Variants in NCAPD3 observed in about 807,000 individuals in gnomAD.
NCAPD3 encodes the protein condensin-2 complex subunit D3.
In NCAPD3, 105 loss-of-function variants were observed where a neutral mutation model predicts 182.9. That is an observed-to-expected ratio of 0.57 (90% CI 0.49 to 0.68). NCAPD3 has a LOEUF of 0.68. Ranked by LOEUF, NCAPD3 falls within the 30% of genes least tolerant of loss-of-function variation. The pLI, the probability that NCAPD3 is intolerant of heterozygous loss-of-function variation, is 0.00. For missense variants in NCAPD3, 1,944 were observed against 1,837.0 expected (o/e 1.06, Z -1.07); for synonymous variants, 815 against 679.9 (o/e 1.20, Z -3.09).
intron 31 of NCAPD3, 121 bp from the exon 32 acceptor site, chr11:134,157,216 T>C (rs1003779756): frequency 1.4e-6 from 1 of 695,354 alleles, no homozygotes; most frequent in African/African-American, 1.8e-5. Context: ...TTTACAATTT[T>C]CTTATAAAGA....
At chr11:134,169,664 C>G (rs79714405) in intron 24 of NCAPD3, among the ~76,000 whole-genome samples, 3,737 of 152,304 alleles carry the variant, frequency 0.025, 68 homozygotes, top group Non-Finnish European at 0.037. Flanking sequence ...CATATCTGTG[C>G]AATGCTGCAC....
intron 13 of NCAPD3, among the ~76,000 whole-genome samples, chr11:134,201,721 A>G (rs1006598834): frequency 5.3e-5 from 8 of 152,260 alleles, no homozygotes; most frequent in Admixed American, 1.3e-4. Context: ...ATTGCTTGAA[A>G]AAGTCTGTGC....
intron 24 of NCAPD3, among the ~76,000 whole-genome samples, chr11:134,169,464 A>C (rs1943954193): frequency 6.6e-6 from 1 of 152,210 alleles, no homozygotes; most frequent in Non-Finnish European, 1.5e-5. Context: ...TCCCAACTTC[A>C]AGTTTGTTGC....
At chr11:134,203,385 C>G (rs1487185372) in intron 11 of NCAPD3, among the ~76,000 whole-genome samples, 187 bp from the exon 12 acceptor site, 2 of 152,308 alleles carry the variant, frequency 1.3e-5, no homozygotes, top group East Asian at 3.9e-4. Flanking sequence ...ACGACCAATG[C>G]CCACCAATGC....
Position 134,161,785 on chromosome 11 carries a change from A to G in NCAPD3, c.3680T>C (p.Leu1227Pro). Residue 1227 changes from leucine to proline, a missense_variant, in exon 28 of 35, where the codon CTC (leucine) becomes CCC (proline). Physicochemically the swap from Leu to Pro is moderately conservative, Grantham distance 98. Coordinates refer to ENST00000534548, the MANE Select transcript of NCAPD3 (RefSeq NM_015261.3). Reference sequence around the variant, plus strand: ...AAGCACAGGCTCCACCCTTACCCTGAGATAGTGCATGAGTTCCCGCAAAGC... The same window carrying G: ...AAGCACAGGCTCCACCCTTACCCTGGGATAGTGCATGAGTTCCCGCAAAGC... ...IPALRELMHYLREVMQDYRDE... is the reference protein window; with the variant it reads ...IPALRELMHYPREVMQDYRDE... 9 of 1,546,752 alleles carry G rather than the reference A, an allele frequency of 5.8e-6. No homozygotes were observed. Among genetic ancestry groups the G allele is most frequent in the Non-Finnish European group, 7.1e-6 (8 of 1,122,654 alleles).
At chr11:134,198,349 G>C (rs1260642542) in intron 13 of NCAPD3, among the ~76,000 whole-genome samples, 1 of 151,092 alleles carries the variant, frequency 6.6e-6, no homozygotes, top group African/African-American at 2.4e-5. Context: ...TTTTCAACAA[G>C]AAAAATTTAA....
intron 31 of NCAPD3, 139 bp downstream of exon 31, chr11:134,157,789 C>T: frequency 1.0e-6 from 1 of 966,364 alleles, no homozygotes. Context: ...TTTTACTACC[C>T]ATGATCCTAA....
In NCAPD3 at chr11:134,189,293, T is replaced by C. The variant is rs75571509; in HGVS notation, c.2045+3396A>G. Among the ~76,000 whole-genome samples, 1,070 of 152,306 alleles carry C rather than the reference T, an allele frequency of 7.0e-3. 5 individuals carry two copies. Among genetic ancestry groups the C allele is most frequent in the Non-Finnish European group, 0.012 (804 of 68,016 alleles). ...TTTGAAGACTGTTTTTCTTTCCCAGTTTTTAAATTTCTAAATTTTAGCATT... is the reference window on the plus strand; with the variant it reads ...TTTGAAGACTGTTTTTCTTTCCCAGCTTTTAAATTTCTAAATTTTAGCATT... On this transcript the variant is annotated intron_variant, in intron 16 of 34. Coordinates refer to ENST00000534548, the MANE Select transcript of NCAPD3 (RefSeq NM_015261.3).
At chr11:134,161,612 G>T (rs1473353531) in intron 28 of NCAPD3, among the ~76,000 whole-genome samples, 169 bp downstream of exon 28, 2 of 152,214 alleles carry the variant, frequency 1.3e-5, no homozygotes, top group Non-Finnish European at 2.9e-5. Context: ...GGCTTTGGTG[G>T]AACCCACAGC....
chr11:134,211,859 C>T (rs565437351), intron 3 of NCAPD3, among the ~76,000 whole-genome samples: 7 of 152,088 alleles, frequency 4.6e-5, no homozygotes, highest in Non-Finnish European at 1.0e-4. Flanking sequence ...GACTCAGTGA[C>T]CCATGGGAGA....
At chr11:134,165,230 G>A (rs912455565) in intron 27 of NCAPD3, among the ~76,000 whole-genome samples, 6 of 150,302 alleles carry the variant, frequency 4.0e-5, no homozygotes, top group Non-Finnish European at 5.9e-5. Context: ...TGAGCTTAGG[G>A]GAGCAGCACG....
In NCAPD3 at chr11:134,180,970, GCTC is replaced by G. The variant is rs1332579831; in HGVS notation, c.2559+104_2559+106del. 6 of 743,202 alleles carry G rather than the reference GCTC, an allele frequency of 8.1e-6. No homozygotes were observed. In the Admixed American group the frequency reaches 1.5e-4, roughly 18 times the overall value. 46.0% of individuals were successfully genotyped at this position (743,202 alleles called of 1,614,324 possible). A position where few individuals can be genotyped will look rare whatever the true frequency, so the allele number is the denominator to read the frequency against. On this transcript the variant is annotated intron_variant, in intron 20 of 34. Coordinates refer to ENST00000534548, the MANE Select transcript of NCAPD3 (RefSeq NM_015261.3). ...AGAAAGTAAGCTCTAGGCTAAGACA[GCTC>G]TTTTGTTAAAAGCATTTAAAGCGTA...
At chr11:134,222,417 C>T (rs1938265840) in intron 1 of NCAPD3, among the ~76,000 whole-genome samples, 1 of 152,154 alleles carries the variant, frequency 6.6e-6, no homozygotes, top group Non-Finnish European at 1.5e-5. Context: ...AAAAAGCAGC[C>T]TATGATAGAA....
chr11:134,156,344 G>A (rs967239468), intron 32 of NCAPD3, among the ~76,000 whole-genome samples: 1 of 152,208 alleles, frequency 6.6e-6, no homozygotes, highest in African/African-American at 2.4e-5. Context: ...ACAGGGACAC[G>A]GCGGCAGGGC....
chr11:134,218,647 T>C (rs1481154402), intron 2 of NCAPD3, among the ~76,000 whole-genome samples: 2 of 152,208 alleles, frequency 1.3e-5, no homozygotes, highest in African/African-American at 2.4e-5. Flanking sequence ...TAATTCCCTA[T>C]GCCCAGTCAG....
chr11:134,162,277 T>A (rs762038642), intron 27 of NCAPD3, among the ~76,000 whole-genome samples: 25 of 152,206 alleles, frequency 1.6e-4, no homozygotes, highest in Non-Finnish European at 2.8e-4. Context: ...GTCAGCTCGT[T>A]CTGGCTACCC....
chr11:134,180,021 G>C lies in NCAPD3; in HGVS notation c.2559+1056C>G, dbSNP rs192546759. 6.6e-5 allele frequency among the ~76,000 whole-genome samples: 10 copies of C among 151,338 alleles called. No individual in the cohort carries two copies. The East Asian group carries it at 1.8e-3, about 27-fold the overall frequency. On this transcript the variant is annotated intron_variant, in intron 20 of 34. Transcript: ENST00000534548. ...GATTTTGATGACACGGTTAACAGTT[G>C]AAAAAAACCTGGGGGAGGAGGGGTG...
rs763709978 is a variant in NCAPD3 at position 134,158,057 on chromosome 11, G to A, written c.4045C>T (p.Leu1349=). ...GAATTCAGGATTGCAATGGTGCTCA[G>A]GGACATGGGCCTGTGGAGAACAGCC... ...RLLPKARPMS[L]STIAILNSVK... is the part of the protein sequence containing the mutation. The change falls in exon 31 of 35, where the codon CTG becomes TTG. Residue 1349 remains leucine, a synonymous_variant. Transcript: ENST00000534548. 1 of 1,613,802 alleles carries A rather than the reference G, an allele frequency of 6.2e-7. No individual in the cohort carries two copies. Among genetic ancestry groups the A allele is most frequent in the African/African-American group, 1.3e-5 (1 of 74,920 alleles).
At chr11:134,195,921 T>A (rs1266707000) in intron 13 of NCAPD3, among the ~76,000 whole-genome samples, 1 of 152,064 alleles carries the variant, frequency 6.6e-6, no homozygotes, top group Admixed American at 6.6e-5. Context: ...GGAAGGCAAA[T>A]GAACACTGCA....
Sources: gnomAD v4.1 joint callset for allele counts (sites outside exome capture counted in the v4.1 genomes callset) on GRCh38, gnomAD v4.1.1 for gene constraint, MANE v1.5 for transcripts, NCBI Gene and HGNC (gene_info 2026-07-23, HGNC 2026-07-21) for gene names.